The following ARHGEF3 variants were observed in gnomAD, a reference collection of about 807,000 sequenced individuals.
The protein encoded by ARHGEF3 is Rho guanine nucleotide exchange factor 3, also known as 59.8 kDA protein.
ARHGEF3 carries 28 observed loss-of-function variants against 63.2 expected under a neutral mutation model. The observed-to-expected ratio is 0.44, with a 90% CI of 0.33 to 0.61. The LOEUF is 0.61. Among genes scored for constraint, ARHGEF3 ranks in the 20% least tolerant of loss-of-function variants. The probability of loss-of-function intolerance (pLI) is 0.03; values close to 1 mark genes in which losing one functional copy is unlikely to be tolerated. For missense variants in ARHGEF3, 533 were observed against 659.3 expected (o/e 0.81, Z 2.10); for synonymous variants, 266 against 254.2 (o/e 1.05, Z -0.44).
intron 4 of ARHGEF3, among the ~76,000 whole-genome samples, chr3:56,813,278 A>G (rs2038139430): frequency 6.6e-6 from 1 of 152,200 alleles, no homozygotes. Flanking sequence ...AATAGCTGGG[A>G]AGGCTGGGTT....
intron 2 of ARHGEF3, among the ~76,000 whole-genome samples, chr3:56,997,398 C>T (rs1363362724): frequency 6.6e-6 from 1 of 152,092 alleles, no homozygotes; most frequent in Admixed American, 6.6e-5. Context: ...GCCCAGGGAT[C>T]AGGTGGAGGG....
At chr3:56,926,941 A>G (rs2042292310) in intron 3 of ARHGEF3, among the ~76,000 whole-genome samples, 1 of 152,230 alleles carries the variant, frequency 6.6e-6, no homozygotes, top group African/African-American at 2.4e-5. Flanking sequence ...GCCCCAGGGA[A>G]TGCTGTGTTA....
At chr3:56,846,182 TC>T (rs1222481820) in intron 4 of ARHGEF3, among the ~76,000 whole-genome samples, 2 of 152,220 alleles carry the variant, frequency 1.3e-5, no homozygotes, top group Non-Finnish European at 2.9e-5. Context: ...CCATAACAAT[TC>T]CTTCTTCACT....
At chr3:56,820,252 C>T (rs1160143945) in intron 4 of ARHGEF3, among the ~76,000 whole-genome samples, 2 of 152,174 alleles carry the variant, frequency 1.3e-5, no homozygotes, top group Non-Finnish European at 2.9e-5. Context: ...AGACTCTACC[C>T]AGGGAGGTAC....
At chr3:57,008,327 C>T (rs1418593587) in intron 2 of ARHGEF3, among the ~76,000 whole-genome samples, 1 of 152,118 alleles carries the variant, frequency 6.6e-6, no homozygotes, top group Admixed American at 6.6e-5. Context: ...TGTGGTCACT[C>T]TGCTAGCTCC....
intron 4 of ARHGEF3, among the ~76,000 whole-genome samples, chr3:56,814,653 T>C (rs1226219196): frequency 6.7e-6 from 1 of 148,900 alleles, no homozygotes; most frequent in Non-Finnish European, 1.5e-5. Context: ...GGTAAATAAA[T>C]CATCCTTCTC....
chr3:56,854,022 C>T (rs1031233683), intron 4 of ARHGEF3, among the ~76,000 whole-genome samples: 5 of 152,000 alleles, frequency 3.3e-5, no homozygotes, highest in Admixed American at 6.6e-5. Context: ...GGTGAAACCC[C>T]GTCTCTACTA....
At chr3:56,995,735 G>C (rs557732780) in intron 2 of ARHGEF3, among the ~76,000 whole-genome samples, 1 of 149,998 alleles carries the variant, frequency 6.7e-6, no homozygotes, top group South Asian at 2.1e-4. Flanking sequence ...AATGTAAGTT[G>C]AATAGAGAGG....
chr3:56,786,009 T>C (rs2036788834), intron 1 of ARHGEF3, among the ~76,000 whole-genome samples: 1 of 152,180 alleles, frequency 6.6e-6, no homozygotes, highest in Admixed American at 6.5e-5. Context: ...ATGTTCAAGA[T>C]GCTCCCTGGT....
At chr3:56,929,432 C>T (rs957571938) in intron 3 of ARHGEF3, among the ~76,000 whole-genome samples, 1 of 152,140 alleles carries the variant, frequency 6.6e-6, no homozygotes, top group Non-Finnish European at 1.5e-5. Context: ...GAATCTAGAC[C>T]ACCCTAAAAA....
rs1408336410 is a variant in ARHGEF3, at chr3:56,968,184, ATATAT to A, written c.63-9300_63-9296del. 1.1e-3 allele frequency among the ~76,000 whole-genome samples: 16 copies of A among 14,970 alleles called. No individual in the cohort carries two copies. The South Asian group carries it at 0.045, about 42-fold the overall frequency. 9.8% of individuals were successfully genotyped at this position (14,970 alleles called of 152,430 possible). On this transcript the variant is annotated intron_variant, in intron 2 of 12. Transcript: ENST00000338458. Reference sequence around the variant, plus strand: ...TATATTATATAATATATATAAAAATATATATTATATATAATATATAAAAATATATA... The same window carrying A: ...TATATTATATAATATATATAAAAATATATATATAATATATAAAAATATATA...
chr3:56,927,615 G>C (rs1258759946), intron 3 of ARHGEF3, among the ~76,000 whole-genome samples: 1 of 152,142 alleles, frequency 6.6e-6, no homozygotes, highest in Non-Finnish European at 1.5e-5. Context: ...CCAGGATCAG[G>C]CACCTAAAGT....
intron 4 of ARHGEF3, among the ~76,000 whole-genome samples, chr3:56,843,757 T>C (rs2039392689): frequency 6.6e-6 from 1 of 152,248 alleles, no homozygotes; most frequent in East Asian, 1.9e-4. Context: ...TATAATACTT[T>C]TTCTCAGAGA....
At chr3:57,051,015 C>T (rs1165824484) in intron 1 of ARHGEF3, among the ~76,000 whole-genome samples, 3 of 152,098 alleles carry the variant, frequency 2.0e-5, no homozygotes, top group Non-Finnish European at 2.9e-5. Flanking sequence ...GGACATATTT[C>T]GGAATTCATA....
At chr3:57,065,176 C>T (rs4681718) in intron 1 of ARHGEF3, among the ~76,000 whole-genome samples, 33,539 of 152,086 alleles carry the variant, frequency 0.22, 4,269 homozygotes, top group East Asian at 0.48. Flanking sequence ...TGCAAAAGGC[C>T]GGGCGCAGTG....
intron 4 of ARHGEF3, among the ~76,000 whole-genome samples, chr3:56,876,342 G>C (rs2040585282): frequency 6.6e-6 from 1 of 152,180 alleles, no homozygotes; most frequent in African/African-American, 2.4e-5. Flanking sequence ...AGACTACAAA[G>C]AGGTAGGGAG....
chr3:56,754,909 T>A, intron 3 of ARHGEF3, 72 bp downstream of exon 3: 1 of 1,591,948 alleles, frequency 6.3e-7, no homozygotes, highest in Non-Finnish European at 8.6e-7. Flanking sequence ...AAGGCGCAAA[T>A]TCCAGCATGG....
chr3:56,797,178 T>A (rs1482500276), intron 1 of ARHGEF3, among the ~76,000 whole-genome samples: 2 of 152,168 alleles, frequency 1.3e-5, no homozygotes, highest in African/African-American at 4.8e-5. Flanking sequence ...CAGTAGCTTG[T>A]CCAAGGTCAC....
intron 1 of ARHGEF3, among the ~76,000 whole-genome samples, chr3:57,072,152 C>T (rs565893390): frequency 1.3e-5 from 2 of 152,230 alleles, no homozygotes; most frequent in East Asian, 3.9e-4. Context: ...GAAACTGGAA[C>T]CCTCGTGCAC....
Sources: allele counts gnomAD v4.1 joint callset (sites outside exome capture counted in the v4.1 genomes callset), GRCh38; gene constraint gnomAD v4.1.1; transcripts MANE v1.5; gene names NCBI Gene and HGNC (gene_info 2026-07-23, HGNC 2026-07-21).